The following CXCR2 variants were observed in gnomAD, a reference collection of about 807,000 sequenced individuals.
The protein encoded by CXCR2 is C-X-C chemokine receptor type 2.
Under a neutral mutation model 3.7 loss-of-function variants are expected in CXCR2, and 2 were observed. The observed-to-expected ratio is 0.55, with a 90% CI of 0.22 to 1.72. CXCR2 has a LOEUF of 1.72. Among genes scored for constraint, CXCR2 ranks in the 40% most tolerant of loss-of-function variants. The pLI is 0.19. For missense variants in CXCR2, 351 were observed against 450.1 expected (o/e 0.78, Z 1.99); for synonymous variants, 203 against 193.3 (o/e 1.05, Z -0.41).
rs1053905897 is a variant in CXCR2, at chr2:218,136,031, C to G, written c.*147C>G. 2.8e-6 allele frequency: 3 copies of G among 1,059,138 alleles called. No individual in the cohort carries two copies. The African/African-American group carries it at 4.8e-5, about 17-fold the overall frequency. 65.6% of individuals were successfully genotyped at this position (1,059,138 alleles called of 1,614,324 possible). A position where few individuals can be genotyped will look rare whatever the true frequency, so the allele number is the denominator to read the frequency against. On this transcript the variant is annotated 3_prime_UTR_variant, in exon 3 of 3. Coordinates refer to ENST00000318507, the MANE Select transcript of CXCR2 (RefSeq NM_001557.4). ...GGAAGTAGAGGAGGCCACGTTCTTA[C>G]TAGTTTCCCTTGCATGGTTTAGAAA...
In CXCR2 at chr2:218,130,246, C is replaced by T. The variant is rs375343228; in HGVS notation, c.-26+881C>T. Among the ~76,000 whole-genome samples, 29 of 152,112 alleles carry T rather than the reference C, an allele frequency of 1.9e-4. No homozygotes were observed. In the South Asian group the frequency reaches 4.4e-3, roughly 23 times the overall value. On this transcript the variant is annotated intron_variant, in intron 2 of 2. Coordinates refer to ENST00000318507, the MANE Select transcript of CXCR2 (RefSeq NM_001557.4). The stretch of plus-strand genomic sequence containing the variant: ...GACCAGCCCGACCAACATAGTGAAA[C>T]CCCGTCTCTACTAAAATACAAAAAT...
At chr2:218,127,123 G>A (rs1293599840) in intron 1 of CXCR2, among the ~76,000 whole-genome samples, 6 of 151,936 alleles carry the variant, frequency 3.9e-5, no homozygotes, top group Non-Finnish European at 8.8e-5. Context: ...TTAGAAGCCA[G>A]GTTTTTGTTT....
In CXCR2 at chr2:218,134,698, A is replaced by C. The variant is rs556882873; in HGVS notation, c.-25-79A>C. On this transcript the variant is annotated intron_variant, in intron 2 of 2. Coordinates refer to ENST00000318507, the MANE Select transcript of CXCR2 (RefSeq NM_001557.4). ...TGTAATACTCAAGCCAACACAAAGA[A>C]TCCTATCCCAGTTTCTTGAGTGGAT... 351 of 1,339,422 alleles carry C rather than the reference A, an allele frequency of 2.6e-4. 1 individual carries two copies. The highest frequency in any genetic ancestry group is 2.1e-3 in the South Asian group (143 of 69,096). 83.0% of individuals were successfully genotyped at this position (1,339,422 alleles called of 1,614,324 possible). A position where few individuals can be genotyped will look rare whatever the true frequency, so the allele number is the denominator to read the frequency against.
chr2:218,135,835 G>C lies in CXCR2; in HGVS notation c.1034G>C (p.Arg345Thr), dbSNP rs146279580. 1 of 1,613,788 alleles carries C rather than the reference G, an allele frequency of 6.2e-7. No homozygotes were observed. Among genetic ancestry groups the C allele is most frequent in the African/African-American group, 1.3e-5 (1 of 74,904 alleles). ...AAGGACTCCCTGCCCAAAGACAGCA[G>C]GCCTTCCTTTGTTGGCTCTTCTTCA... Reference protein sequence around the residue: ...ISKDSLPKDSRPSFVGSSSGH... With the variant: ...ISKDSLPKDSTPSFVGSSSGH... The change falls in exon 3 of 3, where the codon AGG becomes ACG. Residue 345 changes from arginine to threonine, a missense_variant. Coordinates refer to ENST00000318507, the MANE Select transcript of CXCR2 (RefSeq NM_001557.4). This position sits in a 1 kb window ranked among gnomAD's most constrained non-coding sequence, Gnocchi z 4.0.
chr2:218,132,444 A>G (rs917188728), intron 2 of CXCR2, among the ~76,000 whole-genome samples: 6 of 152,162 alleles, frequency 3.9e-5, no homozygotes, highest in African/African-American at 1.4e-4. Flanking sequence ...ATTCCTTCTC[A>G]TGGCTGAATA....
At chr2:218,129,928 G>C (rs1481189789) in intron 2 of CXCR2, among the ~76,000 whole-genome samples, 1 of 152,150 alleles carries the variant, frequency 6.6e-6, no homozygotes, top group African/African-American at 2.4e-5. Context: ...TTTTCCCTAA[G>C]TCAAGGAAGC....
rs1690628736 is a variant in CXCR2, at chr2:218,130,931, T to C, written c.-26+1566T>C. 2 of 152,628 alleles carry C rather than the reference T, an allele frequency of 1.3e-5. 1 individual carries two copies. Among genetic ancestry groups the C allele is most frequent in the South Asian group, 4.1e-4 (2 of 4,846 alleles). The allele number at this position is 152,628 out of a possible 1,614,324, so 9.5% of individuals were successfully genotyped here. On this transcript the variant is annotated intron_variant, in intron 2 of 2. Coordinates refer to ENST00000318507, the MANE Select transcript of CXCR2 (RefSeq NM_001557.4). The stretch of plus-strand genomic sequence containing the variant: ...TCTGGAACCTGAAGCTGACCCATAA[T>C]GCCTGGGAGCATGAGCTCACCCATA...
intron 2 of CXCR2, among the ~76,000 whole-genome samples, chr2:218,129,979 G>A (rs537880104): frequency 4.6e-5 from 7 of 152,222 alleles, no homozygotes; most frequent in African/African-American, 1.7e-4. Flanking sequence ...TGGTCAGCCG[G>A]ACCCAGCCAG....
rs189767843 is a variant in CXCR2 at position 218,134,757 on chromosome 2, C to T, written c.-25-20C>T. 2 of 1,574,608 alleles carry T rather than the reference C, an allele frequency of 1.3e-6. No homozygotes were observed. Among genetic ancestry groups the T allele is most frequent in the African/African-American group, 1.4e-5 (1 of 73,458 alleles). On this transcript the variant is annotated intron_variant, in intron 2 of 2. Coordinates refer to ENST00000318507, the MANE Select transcript of CXCR2 (RefSeq NM_001557.4). Reference sequence around the variant, plus strand: ...ATATGGGGAATTTATTATGCAGTAACCTTCATCTCTCTTCTATAGGTCAGG... The same window carrying T: ...ATATGGGGAATTTATTATGCAGTAATCTTCATCTCTCTTCTATAGGTCAGG...
chr2:218,134,632 A>T (rs147236891), intron 2 of CXCR2, 145 bp from the exon 3 acceptor site: 332 of 704,598 alleles, frequency 4.7e-4, no homozygotes, highest in Middle Eastern at 1.2e-3. Context: ...TCATAACCTA[A>T]GAGCTACCAC....
At position 218,135,413 on chromosome 2, in the gene CXCR2, A is replaced by C. The variant is rs1244553762; in HGVS notation, c.612A>C (p.Thr204=). The change falls in exon 3 of 3, where the codon ACA becomes ACC. Residue 204 remains threonine, a synonymous_variant. Transcript: ENST00000318507. This position sits in a 1 kb window ranked among gnomAD's most constrained non-coding sequence, Gnocchi z 4.0. ...PACYEDMGNN[T]ANWRMLLRIL... Reference sequence around the variant, plus strand: ...GCTATGAGGACATGGGCAACAATACAGCAAACTGGCGGATGCTGTTACGGA... The same window carrying C: ...GCTATGAGGACATGGGCAACAATACCGCAAACTGGCGGATGCTGTTACGGA... 4 of 1,614,226 alleles carry C rather than the reference A, an allele frequency of 2.5e-6. No individual in the cohort carries two copies. Among genetic ancestry groups the C allele is most frequent in the Non-Finnish European group, 3.4e-6 (4 of 1,180,030 alleles).
intron 2 of CXCR2, among the ~76,000 whole-genome samples, chr2:218,133,559 A>G (rs1690703253): frequency 6.6e-6 from 1 of 152,144 alleles, no homozygotes; most frequent in East Asian, 1.9e-4. Flanking sequence ...TCAGCCTCCC[A>G]AAGTGCTGGG....
intron 2 of CXCR2, among the ~76,000 whole-genome samples, chr2:218,131,539 G>A (rs1428308635): frequency 6.8e-6 from 1 of 146,804 alleles, no homozygotes; most frequent in Non-Finnish European, 1.5e-5. Context: ...GCGCCATCTC[G>A]GCTCACTGCA....
chr2:218,134,078 A>G lies in CXCR2; in HGVS notation c.-25-699A>G, dbSNP rs895001853. 3.9e-5 allele frequency among the ~76,000 whole-genome samples: 6 copies of G among 152,352 alleles called. No individual in the cohort carries two copies. In the East Asian group the frequency reaches 9.6e-4, roughly 24 times the overall value. ...AGACTCTGCTAGCTCGAGCCTTCCA[A>G]AACTCCATGCCACAATTGTTCAAAC... On this transcript the variant is annotated intron_variant, in intron 2 of 2. Transcript: ENST00000318507.
intron 2 of CXCR2, among the ~76,000 whole-genome samples, chr2:218,132,015 C>T (rs758330508): frequency 6.6e-6 from 1 of 152,006 alleles, no homozygotes; most frequent in Non-Finnish European, 1.5e-5. Context: ...CAGAGACTTC[C>T]TTTCTGCTAA....
upstream of CXCR2, chr2:218,125,686 G>A (rs1461669547): frequency 1.3e-5 from 2 of 152,926 alleles, no homozygotes; most frequent in African/African-American, 4.8e-5. Flanking sequence ...CAGTTGCAGT[G>A]TCTTTGTTGA....
At chr2:218,125,583 T>A (rs201789158), upstream of CXCR2, 1 of 29,032 alleles carries the variant, frequency 3.4e-5, no homozygotes, top group Non-Finnish European at 6.1e-5. Flanking sequence ...TTTGTTTTTG[T>A]TTTTTTTTTT....
chr2:218,129,227 A>G (rs547284204), intron 1 of CXCR2, 87 bp from the exon 2 acceptor site: 1 of 152,478 alleles, frequency 6.6e-6, no homozygotes, highest in Admixed American at 6.5e-5. Context: ...CCGCACCCTC[A>G]GGAGCTCCAC....
At chr2:218,129,673 G>C (rs974016116) in intron 2 of CXCR2, among the ~76,000 whole-genome samples, 3 of 151,940 alleles carry the variant, frequency 2.0e-5, no homozygotes, top group African/African-American at 7.3e-5. Flanking sequence ...TGGGTCTGAG[G>C]ATGGGCCGAA....
Sources: allele counts gnomAD v4.1 joint callset (sites outside exome capture counted in the v4.1 genomes callset), GRCh38; gene constraint gnomAD v4.1.1; non-coding constraint Gnocchi (gnomAD v3.1); transcripts MANE v1.5; gene names NCBI Gene and HGNC (gene_info 2026-07-23, HGNC 2026-07-21).